Variants in IQCM observed in about 807,000 individuals in gnomAD.
The protein encoded by IQCM is IQ motif containing M, also known as IQ domain-containing protein M.
IQCM carries 45 observed loss-of-function variants against 57.6 expected under a neutral mutation model. The observed-to-expected ratio is 0.78, with a 90% CI of 0.62 to 1.00. The LOEUF is 1.00. IQCM is among the 50% of genes least tolerant of loss of function. IQCM has a pLI of 0.00. For synonymous variants in IQCM, 148 were observed against 158.9 expected (o/e 0.93, Z 0.51); for missense variants, 468 against 511.6 (o/e 0.91, Z 0.82).
At chr4:149,714,996 C>G (rs1436594036) in intron 5 of IQCM, among the ~76,000 whole-genome samples, 3 of 152,192 alleles carry the variant, frequency 2.0e-5, no homozygotes, top group African/African-American at 7.2e-5. Context: ...CCATTTAATA[C>G]TTTCAGACCA....
intron 12 of IQCM, among the ~76,000 whole-genome samples, chr4:149,517,243 G>A (rs368599920): frequency 6.6e-6 from 1 of 151,922 alleles, no homozygotes; most frequent in Non-Finnish European, 1.5e-5. Context: ...TTGCAGAAAC[G>A]AGGACTTAAT....
At chr4:149,353,917 A>T (rs1728744322) in intron 13 of IQCM, among the ~76,000 whole-genome samples, 1 of 152,144 alleles carries the variant, frequency 6.6e-6, no homozygotes, top group Non-Finnish European at 1.5e-5. Flanking sequence ...CCCACTAAAG[A>T]TTTCAGTTGC....
At chr4:149,532,399 A>T (rs956529120) in intron 12 of IQCM, among the ~76,000 whole-genome samples, 3 of 152,114 alleles carry the variant, frequency 2.0e-5, no homozygotes, top group Non-Finnish European at 4.4e-5. Context: ...CAGAATACTC[A>T]TGAATAAGAA....
chr4:149,733,162 GA>G, intron 5 of IQCM, 81 bp downstream of exon 5: 1 of 1,150,722 alleles, frequency 8.7e-7, no homozygotes, highest in Non-Finnish European at 1.1e-6. Context: ...ATTTGAAAAA[GA>G]AAATTCCATT....
At chr4:149,757,188 G>A (rs930064745) in intron 2 of IQCM, among the ~76,000 whole-genome samples, 1 of 151,900 alleles carries the variant, frequency 6.6e-6, no homozygotes, top group Non-Finnish European at 1.5e-5. Context: ...AACCCGGGAG[G>A]CAGAGCTCGC....
intron 5 of IQCM, among the ~76,000 whole-genome samples, chr4:149,690,445 G>A (rs1355923682): frequency 2.0e-5 from 3 of 151,862 alleles, no homozygotes; most frequent in Non-Finnish European, 2.9e-5. Flanking sequence ...GGGGGATGAG[G>A]GATAAAAGAC....
intron 12 of IQCM, among the ~76,000 whole-genome samples, chr4:149,440,869 T>C (rs1027194946): frequency 3.3e-5 from 5 of 152,172 alleles, no homozygotes; most frequent in African/African-American, 9.6e-5. Context: ...AAGATGTCTA[T>C]AATTTAAGGC....
intron 5 of IQCM, among the ~76,000 whole-genome samples, chr4:149,727,937 T>C (rs899910023): frequency 6.6e-6 from 1 of 152,220 alleles, no homozygotes; most frequent in Non-Finnish European, 1.5e-5. Flanking sequence ...ACTCCTGTAA[T>C]CAGTGGTACC....
intron 7 of IQCM, among the ~76,000 whole-genome samples, chr4:149,664,084 G>T (rs1307422934): frequency 1.3e-5 from 2 of 151,996 alleles, no homozygotes; most frequent in Admixed American, 6.6e-5. Flanking sequence ...TGTTGTTGAA[G>T]CCCTCAATGG....
intron 13 of IQCM, among the ~76,000 whole-genome samples, chr4:149,425,585 C>A (rs1186981752): frequency 6.6e-6 from 1 of 151,906 alleles, no homozygotes; most frequent in East Asian, 1.9e-4. Flanking sequence ...CTTCCTCCAC[C>A]TTTTTTTCTA....
chr4:149,527,884 C>T (rs1746319291), intron 12 of IQCM, among the ~76,000 whole-genome samples: 1 of 152,094 alleles, frequency 6.6e-6, no homozygotes, highest in Admixed American at 6.5e-5. Flanking sequence ...TCCCTGACAT[C>T]AGCAATCGAC....
At chr4:149,445,342 T>C (rs1579080497) in intron 12 of IQCM, among the ~76,000 whole-genome samples, 2 of 151,994 alleles carry the variant, frequency 1.3e-5, no homozygotes, top group East Asian at 3.9e-4. Flanking sequence ...TAAATATTTA[T>C]ATGCATCCTT....
chr4:149,452,388 T>C (rs565365574), intron 12 of IQCM, among the ~76,000 whole-genome samples: 1 of 150,456 alleles, frequency 6.6e-6, no homozygotes, highest in Admixed American at 6.6e-5. Flanking sequence ...ATAGCCAAAA[T>C]AACTTTGAAA....
intron 8 of IQCM, among the ~76,000 whole-genome samples, chr4:149,612,570 G>A (rs962640511): frequency 2.6e-5 from 4 of 152,014 alleles, no homozygotes; most frequent in Admixed American, 2.6e-4. Flanking sequence ...AAGTAGCAAA[G>A]CAGGAACAAT....
At chr4:149,627,050 GACA>G (rs774445796) in intron 7 of IQCM, among the ~76,000 whole-genome samples, 3 of 152,108 alleles carry the variant, frequency 2.0e-5, no homozygotes, top group Non-Finnish European at 4.4e-5. Flanking sequence ...ACAGCTCCAA[GACA>G]ACAACTAGGA....
At chr4:149,387,878 C>A (rs1731535943) in intron 13 of IQCM, among the ~76,000 whole-genome samples, 1 of 152,050 alleles carries the variant, frequency 6.6e-6, no homozygotes, top group South Asian at 2.1e-4. Context: ...AACTGATAAT[C>A]TGATTTTTGT....
intron 8 of IQCM, among the ~76,000 whole-genome samples, chr4:149,602,869 CA>C (rs1448016532): frequency 4.0e-5 from 6 of 151,582 alleles, no homozygotes; most frequent in African/African-American, 9.7e-5. Flanking sequence ...AATAAAAATC[CA>C]AAAAATTCAA....
chr4:149,507,831 G>T (rs1334125585), intron 12 of IQCM, among the ~76,000 whole-genome samples: 3 of 152,250 alleles, frequency 2.0e-5, no homozygotes, highest in East Asian at 3.9e-4. Context: ...TGTCTCCAGG[G>T]CATGTGAAAG....
intron 5 of IQCM, among the ~76,000 whole-genome samples, chr4:149,728,161 A>G (rs966326887): frequency 6.6e-6 from 1 of 152,016 alleles, no homozygotes; most frequent in Admixed American, 6.5e-5. Context: ...CTCTTTTTTC[A>G]CTTATTTGAA....
Sources: gnomAD v4.1 joint callset for allele counts (sites outside exome capture counted in the v4.1 genomes callset) on GRCh38, gnomAD v4.1.1 for gene constraint, MANE v1.5 for transcripts, NCBI Gene and HGNC (gene_info 2026-07-23, HGNC 2026-07-21) for gene names.